The following DMD variants were observed in gnomAD, a reference collection of about 807,000 sequenced individuals.
The protein encoded by DMD is dystrophin, also known as mutant dystrophin.
In DMD, 63 loss-of-function variants were observed where a neutral mutation model predicts 330.1. That is an observed-to-expected ratio of 0.19 (90% confidence interval 0.16 to 0.24). The LOEUF is 0.24. DMD is among the 10% of genes least tolerant of loss of function. The pLI, the probability that DMD is intolerant of heterozygous loss-of-function variation, is 1.00. For synonymous variants in DMD, 1,223 were observed against 959.8 expected, an observed-to-expected ratio of 1.27 and a Z score of -5.07; for missense variants, 3,344 against 2,684.1, an observed-to-expected ratio of 1.25 and a Z score of -5.43.
intron 11 of DMD, among the ~76,000 whole-genome samples, chrX:32,622,122 T>C (rs1324184432): frequency 9.0e-6 from 1 of 111,559 alleles, no homozygotes; most frequent in Non-Finnish European, 1.9e-5. Flanking sequence ...TATTTTGACA[T>C]GAGACTTTTA....
intron 44 of DMD, among the ~76,000 whole-genome samples, chrX:32,124,692 C>T (rs746605132): frequency 1.8e-4 from 20 of 111,369 alleles, no homozygotes; most frequent in African/African-American, 6.2e-4. Context: ...ATCAAATCCT[C>T]ACACAAATAA....
intron 42 of DMD, among the ~76,000 whole-genome samples, chrX:32,288,968 C>T (rs1454874158): frequency 1.8e-5 from 2 of 111,631 alleles, no homozygotes; most frequent in Non-Finnish European, 3.8e-5. Context: ...GATCAGTATT[C>T]TAATTCTGGG....
At chrX:32,888,144 A>AT (rs200855437) in intron 2 of DMD, among the ~76,000 whole-genome samples, 12 of 102,750 alleles carry the variant, frequency 1.2e-4, no homozygotes, top group African/African-American at 4.3e-4. Context: ...CTGAATTTTT[A>AT]TTTTTTATTT....
intron 44 of DMD, among the ~76,000 whole-genome samples, chrX:32,143,540 A>ATT (rs746106044): frequency 1.0e-5 from 1 of 97,432 alleles, no homozygotes. Context: ...GTAAAAATAC[A>ATT]TTTTTTTTTT....
At chrX:31,289,658 GA>G (rs745888443) in intron 62 of DMD, among the ~76,000 whole-genome samples, 9 of 109,425 alleles carry the variant, frequency 8.2e-5, no homozygotes, top group Admixed American at 2.0e-4. Flanking sequence ...GATACTGGGG[GA>G]AAAAAAATCA....
intron 55 of DMD, among the ~76,000 whole-genome samples, chrX:31,594,470 T>A (rs776449146): frequency 9.0e-6 from 1 of 111,647 alleles, no homozygotes; most frequent in East Asian, 2.8e-4. Flanking sequence ...TTCTGAATCA[T>A]CAAAAAAATG....
At chrX:31,510,778 G>A (rs1437397493) in intron 55 of DMD, among the ~76,000 whole-genome samples, 1 of 110,668 alleles carries the variant, frequency 9.0e-6, no homozygotes, top group Non-Finnish European at 1.9e-5. Context: ...CAAAGTGCTT[G>A]GATTACAGGC....
chrX:31,736,678 C>T (rs2086895348), intron 51 of DMD, among the ~76,000 whole-genome samples: 1 of 111,604 alleles, frequency 9.0e-6, no homozygotes, highest in Non-Finnish European at 1.9e-5. Context: ...AACAAATACT[C>T]ATAAACAATT....
At chrX:31,341,205 C>A (rs113533625) in intron 61 of DMD, among the ~76,000 whole-genome samples, 1 of 111,990 alleles carries the variant, frequency 8.9e-6, no homozygotes, top group Non-Finnish European at 1.9e-5. Flanking sequence ...CCAGGCACTA[C>A]TCTAAGGGTT....
At chrX:32,138,570 T>C (rs1205040553) in intron 44 of DMD, among the ~76,000 whole-genome samples, 1 of 112,288 alleles carries the variant, frequency 8.9e-6, no homozygotes, top group Non-Finnish European at 1.9e-5. Flanking sequence ...TTTCATCTAA[T>C]GAACTCTTGT....
chrX:31,241,507 A>G (rs1157131874), intron 63 of DMD, among the ~76,000 whole-genome samples: 1 of 112,097 alleles, frequency 8.9e-6, no homozygotes, highest in African/African-American at 3.2e-5. Flanking sequence ...AATCAAATTC[A>G]TATCTATTCC....
chrX:32,510,868 T>G (rs928705461), intron 18 of DMD, among the ~76,000 whole-genome samples: 1 of 111,064 alleles, frequency 9.0e-6, no homozygotes, highest in African/African-American at 3.3e-5. Flanking sequence ...AATAAACCAA[T>G]ACCTAAGTAG....
intron 1 of DMD, among the ~76,000 whole-genome samples, chrX:33,128,602 C>G (rs1027614471): frequency 1.8e-5 from 2 of 111,858 alleles, no homozygotes. Context: ...CTTAGAGGAG[C>G]TGATTATTAT....
intron 1 of DMD, among the ~76,000 whole-genome samples, chrX:33,276,659 T>C (rs887397620): frequency 8.9e-5 from 10 of 112,224 alleles, no homozygotes; most frequent in Non-Finnish European, 1.9e-4. Context: ...TACATTTCTT[T>C]CTTTGTCAAA....
intron 21 of DMD, among the ~76,000 whole-genome samples, chrX:32,472,525 T>A (rs779502897): frequency 2.7e-5 from 3 of 111,476 alleles, no homozygotes; most frequent in Non-Finnish European, 5.6e-5. Flanking sequence ...AATTCACAAA[T>A]CAGCCTGTAA....
In DMD at chrX:32,023,138, G is replaced by T. The variant is rs370286347; in HGVS notation, c.6439-54624C>A. ...GAGCTACTGCGCCCGGCCAGAACTTGGTATAATTCTTCCATTCACTTTCTT... is the reference window on the plus strand; with the variant it reads ...GAGCTACTGCGCCCGGCCAGAACTTTGTATAATTCTTCCATTCACTTTCTT... On this transcript the variant is annotated intron_variant, in intron 44 of 78. Coordinates refer to ENST00000357033, the MANE Select transcript of DMD (RefSeq NM_004006.3). Among the ~76,000 whole-genome samples, 13 of 110,962 alleles carry T rather than the reference G, an allele frequency of 1.2e-4. No homozygotes were observed. The East Asian group carries it at 1.4e-3, about 12-fold the overall frequency.
chrX:33,017,515 T>C lies in DMD; in HGVS notation c.93+2624A>G, dbSNP rs746686941. Among the ~76,000 whole-genome samples the C allele has an allele frequency of 1.7e-4, 19 of 111,546 alleles. No homozygotes were observed. The East Asian group carries it at 5.1e-3, about 30-fold the overall frequency. On this transcript the variant is annotated intron_variant, in intron 2 of 78. Transcript: ENST00000357033. ...GAATTTTTCATTCTCTTTTTTCTCT[T>C]TTTAAAGTCTTCTTCAACACAATTT...
At chrX:32,641,167 A>C (rs759142327) in intron 11 of DMD, among the ~76,000 whole-genome samples, 2 of 111,107 alleles carry the variant, frequency 1.8e-5, no homozygotes, top group East Asian at 5.7e-4. Flanking sequence ...AGTCTAAAGT[A>C]GCCTCCCCTC....
At chrX:32,890,409 G>C (rs1473660097) in intron 2 of DMD, among the ~76,000 whole-genome samples, 1 of 102,627 alleles carries the variant, frequency 9.7e-6, no homozygotes, top group Non-Finnish European at 2.0e-5. Flanking sequence ...CCAGTCTATT[G>C]ACAGGAGCTG....
Sources: gnomAD v4.1 joint callset for allele counts (sites outside exome capture counted in the v4.1 genomes callset) on GRCh38, gnomAD v4.1.1 for gene constraint, MANE v1.5 for transcripts, NCBI Gene and HGNC (gene_info 2026-07-23, HGNC 2026-07-21) for gene names.